The following GOLPH3 variants were observed in gnomAD, a reference collection of about 807,000 sequenced individuals.
The protein encoded by GOLPH3 is coat protein GPP34.
In GOLPH3, 14 loss-of-function variants were observed where a neutral mutation model predicts 28.5. That is an observed-to-expected ratio of 0.49 (90% CI 0.32 to 0.77). The LOEUF (loss-of-function observed/expected upper bound fraction) is 0.77, where lower values mean the gene tolerates loss of function less well. GOLPH3 is among the 30% of genes least tolerant of loss of function. The pLI is 0.03. For missense variants in GOLPH3, 350 were observed against 393.7 expected (o/e 0.89, Z 0.94); for synonymous variants, 158 against 159.2 (o/e 0.99, Z 0.06).
At chr5:32,172,937 A>T (rs1272986852) in intron 1 of GOLPH3, among the ~76,000 whole-genome samples, 1 of 152,240 alleles carries the variant, frequency 6.6e-6, no homozygotes, top group Non-Finnish European at 1.5e-5. Context: ...GAAAGAGTAT[A>T]TATGCATATG....
At chr5:32,135,059 A>G (rs1334254400) in intron 3 of GOLPH3, among the ~76,000 whole-genome samples, 1 of 152,212 alleles carries the variant, frequency 6.6e-6, no homozygotes, top group African/African-American at 2.4e-5. Flanking sequence ...TGCTCTGATC[A>G]ATGAAACATG....
At chr5:32,160,035 G>A in intron 1 of GOLPH3, among the ~76,000 whole-genome samples, 1 of 152,146 alleles carries the variant, frequency 6.6e-6, no homozygotes, top group Admixed American at 6.6e-5. Flanking sequence ...ATTCCCACTT[G>A]GGAGGCTGAG....
chr5:32,169,464 A>G (rs1465005308), intron 1 of GOLPH3, among the ~76,000 whole-genome samples: 1 of 152,200 alleles, frequency 6.6e-6, no homozygotes, highest in East Asian at 1.9e-4. Context: ...AAGCCAAAGA[A>G]TACACTTTGG....
At position 32,124,745 on chromosome 5, in the gene GOLPH3, T is replaced by A. The variant is rs1164041574; in HGVS notation, c.*1467A>T. 1 of 152,356 alleles carries A rather than the reference T, an allele frequency of 6.6e-6. No homozygotes were observed. Among genetic ancestry groups the A allele is most frequent in the Non-Finnish European group, 1.5e-5 (1 of 68,042 alleles). 9.4% of individuals were successfully genotyped at this position (152,356 alleles called of 1,614,324 possible). A position where few individuals can be genotyped will look rare whatever the true frequency, so the allele number is the denominator to read the frequency against. ...GGCACTTTCAAGATCATTGTTTATT[T>A]ATTACTTCAGATAAAAAGATAGTAT... On this transcript the variant is annotated 3_prime_UTR_variant, in exon 4 of 4. Transcript: ENST00000265070.
At chr5:32,130,710 C>A (rs1266506778) in intron 3 of GOLPH3, among the ~76,000 whole-genome samples, 1 of 152,084 alleles carries the variant, frequency 6.6e-6, no homozygotes, top group Non-Finnish European at 1.5e-5. Flanking sequence ...AAAAAAAACA[C>A]CCCCTCCCCT....
intron 1 of GOLPH3, among the ~76,000 whole-genome samples, chr5:32,169,297 A>G (rs1049407538): frequency 6.6e-6 from 1 of 152,140 alleles, no homozygotes; most frequent in Non-Finnish European, 1.5e-5. Context: ...CAGGCAACAC[A>G]CTATGGGGAA....
At chr5:32,148,784 AAG>A (rs774149439) in intron 1 of GOLPH3, among the ~76,000 whole-genome samples, 4 of 152,086 alleles carry the variant, frequency 2.6e-5, no homozygotes. Flanking sequence ...GCAAGAGAGC[AAG>A]ACTCTGTCTC....
At chr5:32,128,336 T>C (rs1432820376) in intron 3 of GOLPH3, among the ~76,000 whole-genome samples, 1 of 151,946 alleles carries the variant, frequency 6.6e-6, no homozygotes, top group African/African-American at 2.4e-5. Context: ...AGTCCTAGAG[T>C]ATAGACCACC....
At chr5:32,170,507 A>G (rs1218373246) in intron 1 of GOLPH3, among the ~76,000 whole-genome samples, 1 of 152,234 alleles carries the variant, frequency 6.6e-6, no homozygotes, top group African/African-American at 2.4e-5. Flanking sequence ...AGTTAAAGCA[A>G]TGAGTTAGCA....
intron 1 of GOLPH3, among the ~76,000 whole-genome samples, chr5:32,163,678 T>A (rs990418903): frequency 2.0e-5 from 3 of 147,596 alleles, no homozygotes; most frequent in Admixed American, 2.0e-4. Context: ...ATATATATAT[T>A]TTTTTTCTTT....
intron 1 of GOLPH3, among the ~76,000 whole-genome samples, chr5:32,147,129 T>G (rs929043797): frequency 6.6e-6 from 1 of 152,162 alleles, no homozygotes; most frequent in Non-Finnish European, 1.5e-5. Context: ...TTGACACAAT[T>G]CTTATGGGCC....
chr5:32,154,172 G>C (rs1206525785), intron 1 of GOLPH3, among the ~76,000 whole-genome samples: 1 of 151,928 alleles, frequency 6.6e-6, no homozygotes, highest in East Asian at 1.9e-4. Context: ...AAAAAGAAAA[G>C]AGCCCATACC....
chr5:32,149,977 C>A (rs1299249290), intron 1 of GOLPH3, among the ~76,000 whole-genome samples: 1 of 149,720 alleles, frequency 6.7e-6, no homozygotes, highest in African/African-American at 2.5e-5. Context: ...AAGAGTGAAA[C>A]TGTCTCAAGA....
chr5:32,126,425 G>A lies in GOLPH3; in HGVS notation c.684C>T (p.Asp228=). The A allele has an allele frequency of 6.2e-7, 1 of 1,614,196 alleles. No homozygotes were observed. The highest frequency in any genetic ancestry group is 8.5e-7 in the Non-Finnish European group (1 of 1,180,040). Residue 228 remains aspartate, a synonymous_variant, in exon 4 of 4, where the codon GAC becomes GAT. Transcript: ENST00000265070. ...QEAVLDKWVN[D]PHRMDRRLLA... is the part of the protein sequence containing the mutation. ...GCAAGCGCCTGTCCATGCGGTGAGG[G>A]TCATTCACCCATTTGTCAAGAACGG...
In GOLPH3 at chr5:32,142,684, G is replaced by T. The variant is rs578050049; in HGVS notation, c.357+1065C>A. Among the ~76,000 whole-genome samples the T allele has an allele frequency of 4.1e-4, 61 of 147,420 alleles. 1 individual carries two copies. The East Asian group carries it at 0.012, about 29-fold the overall frequency. ...GCCCCCAAGCCCGGCCAGCCGCCCC[G>T]TCCGGGAGGGAGGTGGGGGGATCAG... is the stretch of plus-strand genomic sequence containing the variant. On this transcript the variant is annotated intron_variant, in intron 2 of 3. Transcript: ENST00000265070.
chr5:32,148,888 C>G (rs915922633), intron 1 of GOLPH3, among the ~76,000 whole-genome samples: 2 of 152,078 alleles, frequency 1.3e-5, no homozygotes, highest in African/African-American at 4.8e-5. Flanking sequence ...GGCAGGAGAA[C>G]TGCTTGAACC....
intron 2 of GOLPH3, among the ~76,000 whole-genome samples, chr5:32,140,273 G>A (rs1156487703): frequency 6.6e-6 from 1 of 152,038 alleles, no homozygotes; most frequent in Admixed American, 6.6e-5. Context: ...GGAGGACAAG[G>A]CACGAGGATC....
intron 1 of GOLPH3, among the ~76,000 whole-genome samples, chr5:32,170,685 C>A (rs1746812905): frequency 6.6e-6 from 1 of 151,970 alleles, no homozygotes; most frequent in East Asian, 1.9e-4. Flanking sequence ...ATGGCATGCA[C>A]CTTGTATTCC....
chr5:32,149,712 T>C (rs1561671837), intron 1 of GOLPH3, among the ~76,000 whole-genome samples: 2 of 152,154 alleles, frequency 1.3e-5, no homozygotes, highest in African/African-American at 4.8e-5. Flanking sequence ...AAAGAAGTAG[T>C]AAGGCTGGGC....
Sources: allele counts gnomAD v4.1 joint callset (sites outside exome capture counted in the v4.1 genomes callset), GRCh38; gene constraint gnomAD v4.1.1; transcripts MANE v1.5; gene names NCBI Gene and HGNC (gene_info 2026-07-23, HGNC 2026-07-21).